DAAM2: variants seen among roughly 807,000 people sequenced by gnomAD.
The protein encoded by DAAM2 is dishevelled associated activator of morphogenesis 2, also known as disheveled-associated activator of morphogenesis 2.
Under a neutral mutation model 120.7 loss-of-function variants are expected in DAAM2, and 39 were observed. The ratio of observed to expected loss-of-function variants is 0.32; its 90% CI spans 0.25 to 0.42. DAAM2 has a LOEUF of 0.42. Ranked by LOEUF, DAAM2 falls within the 10% of genes least tolerant of loss-of-function variation. The pLI, the probability that DAAM2 is intolerant of heterozygous loss-of-function variation, is 1.00. For synonymous variants in DAAM2, 488 were observed against 524.9 expected (o/e 0.93, Z 0.96); for missense variants, 1,283 against 1,401.7 (o/e 0.92, Z 1.35).
intron 14 of DAAM2, chr6:39,879,892 A>G (rs923086427): frequency 1.1e-5 from 3 of 277,410 alleles, no homozygotes; most frequent in African/African-American, 4.6e-5. Context: ...AAAGAGTTTG[A>G]TGGCAAGACA....
At chr6:39,886,637 A>G (rs969380629) in intron 15 of DAAM2, 18 of 394,950 alleles carry the variant, frequency 4.6e-5, no homozygotes, top group Non-Finnish European at 1.3e-5. Flanking sequence ...AATCAAATAG[A>G]CCCCTGGCAG....
chr6:39,834,878 C>T lies in DAAM2; in HGVS notation c.-56-21369C>T, dbSNP rs143151308. ...CCTGAGGTGGCAGGAGTCAAGCCAACGCACGGGCTCAGTTTCAGACTCATT... is the reference window on the plus strand; with the variant it reads ...CCTGAGGTGGCAGGAGTCAAGCCAATGCACGGGCTCAGTTTCAGACTCATT... On this transcript the variant is annotated intron_variant, in intron 1 of 24. Transcript: ENST00000274867. 1.5e-3 allele frequency among the ~76,000 whole-genome samples: 223 copies of T among 152,238 alleles called. 1 individual carries two copies. The highest frequency in any genetic ancestry group is 0.014 in the Middle Eastern group (4 of 294).
chr6:39,857,305 T>G (rs1764047236), intron 2 of DAAM2, among the ~76,000 whole-genome samples: 3 of 152,238 alleles, frequency 2.0e-5, no homozygotes. Context: ...GGGCCATTAG[T>G]AAGCCAGTAA....
intron 1 of DAAM2, among the ~76,000 whole-genome samples, chr6:39,850,264 T>TCCC (rs1278439441): frequency 3.3e-5 from 5 of 152,140 alleles, no homozygotes; most frequent in Admixed American, 2.0e-4. Flanking sequence ...GATTGCCTTT[T>TCCC]CCCTCCCCTT....
At chr6:39,870,282 G>A in intron 7 of DAAM2, 58 bp from the exon 8 acceptor site, 1 of 1,063,950 alleles carries the variant, frequency 9.4e-7, no homozygotes, top group Non-Finnish European at 1.4e-6. Context: ...GCTCCACTGG[G>A]GATGTTGTGG....
At chr6:39,843,569 C>G (rs72857137) in intron 1 of DAAM2, among the ~76,000 whole-genome samples, 13,763 of 152,146 alleles carry the variant, frequency 0.09, 1,187 homozygotes, top group African/African-American at 0.22. Flanking sequence ...ATTTGCGGGC[C>G]CAGCACAAAA....
chr6:39,876,607 C>G (rs1406818909), intron 11 of DAAM2, among the ~76,000 whole-genome samples: 1 of 152,076 alleles, frequency 6.6e-6, no homozygotes. Context: ...CTGAAATCTA[C>G]AACTAGGAGG....
intron 1 of DAAM2, chr6:39,821,862 C>T (rs941230957): frequency 1.3e-5 from 2 of 152,278 alleles, no homozygotes; most frequent in African/African-American, 2.4e-5. Context: ...AATGAGTGAC[C>T]CTGTGAGTGT....
chr6:39,833,437 T>A (rs918657537), intron 1 of DAAM2, among the ~76,000 whole-genome samples: 46 of 152,258 alleles, frequency 3.0e-4, no homozygotes, highest in Admixed American at 5.9e-4. Flanking sequence ...CCCAAGTGGC[T>A]GAGATTATGA....
chr6:39,826,888 G>GA (rs1166162102), intron 1 of DAAM2, among the ~76,000 whole-genome samples: 2 of 152,156 alleles, frequency 1.3e-5, no homozygotes, highest in South Asian at 2.1e-4. Flanking sequence ...GCTTCAAAGA[G>GA]AAAATCTGAG....
chr6:39,856,562 G>T (rs773619102), intron 2 of DAAM2, 92 bp downstream of exon 2: 2 of 1,069,628 alleles, frequency 1.9e-6, no homozygotes, highest in African/African-American at 3.3e-5. Context: ...CTGTGCTGGG[G>T]TCTCCATCTC....
chr6:39,840,756 T>C (rs1763293085), intron 1 of DAAM2, among the ~76,000 whole-genome samples: 2 of 152,194 alleles, frequency 1.3e-5, no homozygotes, highest in African/African-American at 4.8e-5. Flanking sequence ...TGCCAGGCTC[T>C]GTGCTGAGCA....
chr6:39,842,880 T>C (rs1436841814), intron 1 of DAAM2, among the ~76,000 whole-genome samples: 1 of 151,682 alleles, frequency 6.6e-6, no homozygotes, highest in Non-Finnish European at 1.5e-5. Context: ...TGAGGGGTAA[T>C]GTTGAGAATC....
At chr6:39,848,320 G>A (rs1763675401) in intron 1 of DAAM2, among the ~76,000 whole-genome samples, 1 of 152,130 alleles carries the variant, frequency 6.6e-6, no homozygotes, top group Non-Finnish European at 1.5e-5. Flanking sequence ...TTTACTCGGT[G>A]GGTGGGTGGA....
In DAAM2 at chr6:39,901,560, C is replaced by A. The variant is rs1766486342; in HGVS notation, c.2982+88C>A. On this transcript the variant is annotated intron_variant, in intron 24 of 24. Transcript: ENST00000274867. The surrounding 1 kb of genome is among the most constrained non-coding windows in gnomAD (Gnocchi z 4.5). ...CAAACTGGGGTGTGTGGGAGGAGGGCAGAGACTGAGGAACTGAGGAACACC... is the reference window on the plus strand; with the variant it reads ...CAAACTGGGGTGTGTGGGAGGAGGGAAGAGACTGAGGAACTGAGGAACACC... The A allele has an allele frequency of 1.4e-6, 2 of 1,425,832 alleles. No individual in the cohort carries two copies. Among genetic ancestry groups the A allele is most frequent in the Non-Finnish European group, 1.9e-6 (2 of 1,057,936 alleles). The allele number at this position is 1,425,832 out of a possible 1,614,324, so 88.3% of individuals were successfully genotyped here. A position where few individuals can be genotyped will look rare whatever the true frequency, so the allele number is the denominator to read the frequency against.
chr6:39,856,327 C>A lies in DAAM2; in HGVS notation c.25C>A (p.His9Asn). 1 of 1,548,368 alleles carries A rather than the reference C, an allele frequency of 6.5e-7. No homozygotes were observed. Among genetic ancestry groups the A allele is most frequent in the South Asian group, 1.2e-5 (1 of 81,208 alleles). Residue 9 changes from histidine (H) to asparagine (N), a missense_variant, in exon 2 of 25, where the codon CAT (histidine) becomes AAT (asparagine). Coordinates refer to ENST00000274867, the MANE Select transcript of DAAM2 (RefSeq NM_001201427.2). Reference sequence around the variant, plus strand: ...CATGGCCCCCCGCAAGAGGAGCCACCATGGCCTGGGCTTCCTGTGCTGCTT... The same window carrying A: ...CATGGCCCCCCGCAAGAGGAGCCACAATGGCCTGGGCTTCCTGTGCTGCTT... The part of the protein sequence containing the change: MAPRKRSH[H>N]GLGFLCCFGG...
At chr6:39,818,761 T>C (rs1762390142) in intron 1 of DAAM2, 1 of 152,218 alleles carries the variant, frequency 6.6e-6, no homozygotes. Flanking sequence ...TTAGTATAAA[T>C]TCTTTAGGTT....
chr6:39,825,794 TTGGATG>T (rs1368408248), intron 1 of DAAM2, among the ~76,000 whole-genome samples: 2 of 152,144 alleles, frequency 1.3e-5, no homozygotes, highest in Non-Finnish European at 2.9e-5. Context: ...ATGTATCTCC[TTGGATG>T]TGGGATTCTC....
rs746385951 is a variant in DAAM2 at position 39,883,951 on chromosome 6, C to T, written c.1846-11C>T. On this transcript the variant is annotated splice_polypyrimidine_tract_variant and intron_variant, in intron 14 of 24. Coordinates refer to ENST00000274867, the MANE Select transcript of DAAM2 (RefSeq NM_001201427.2). ...CCAACCATGGGATCTTCTCCCTACCCTGAATTTTAGGAGCGTGTCCCTGGC... is the reference window on the plus strand; with the variant it reads ...CCAACCATGGGATCTTCTCCCTACCTTGAATTTTAGGAGCGTGTCCCTGGC... 1 of 1,600,878 alleles carries T rather than the reference C, an allele frequency of 6.2e-7. No homozygotes were observed. The highest frequency in any genetic ancestry group is 1.7e-5 in the Admixed American group (1 of 59,808).
Sources: gnomAD v4.1 joint callset for allele counts (sites outside exome capture counted in the v4.1 genomes callset) on GRCh38, gnomAD v4.1.1 for gene constraint, Gnocchi (gnomAD v3.1) non-coding constraint, MANE v1.5 for transcripts, NCBI Gene and HGNC (gene_info 2026-07-23, HGNC 2026-07-21) for gene names.